The following GRIN2A variants were observed in gnomAD, a reference collection of about 807,000 sequenced individuals.
GRIN2A encodes the protein glutamate receptor ionotropic, NMDA 2A.
Under a neutral mutation model 113.4 loss-of-function variants are expected in GRIN2A, and 22 were observed. The ratio of observed to expected loss-of-function variants is 0.19; its 90% CI spans 0.14 to 0.28. The LOEUF is 0.28. Ranked by LOEUF, GRIN2A falls within the 10% of genes least tolerant of loss-of-function variation. The pLI is 1.00. For missense variants in GRIN2A, 1,502 were observed against 1,887.0 expected (o/e 0.80, Z 3.78); for synonymous variants, 827 against 738.4 (o/e 1.12, Z -1.94).
intron 2 of GRIN2A, among the ~76,000 whole-genome samples, chr16:10,067,219 A>AT (rs1263090958): frequency 2.0e-5 from 3 of 151,462 alleles, no homozygotes; most frequent in African/African-American, 7.3e-5. Context: ...TTTTTCCCTC[A>AT]TTTTTTTCTG....
At chr16:10,170,012 TACTC>T (rs1283807051) in intron 2 of GRIN2A, among the ~76,000 whole-genome samples, 1 of 152,162 alleles carries the variant, frequency 6.6e-6, no homozygotes, top group Admixed American at 6.5e-5. Flanking sequence ...TGATCTCAAA[TACTC>T]ACAGAAACCA....
intron 2 of GRIN2A, among the ~76,000 whole-genome samples, chr16:10,162,361 C>A (rs905326276): frequency 2.0e-5 from 3 of 152,214 alleles, no homozygotes; most frequent in African/African-American, 7.2e-5. Context: ...TAAGCTCTAA[C>A]TACCTCCCAA....
chr16:9,950,570 T>C (rs1441211262), intron 2 of GRIN2A, among the ~76,000 whole-genome samples: 4 of 152,174 alleles, frequency 2.6e-5, no homozygotes, highest in Admixed American at 1.3e-4. Context: ...ACAACTTGAA[T>C]AGGCTACAAT....
intron 5 of GRIN2A, among the ~76,000 whole-genome samples, chr16:9,845,042 A>C (rs896137408): frequency 1.3e-5 from 2 of 152,146 alleles, no homozygotes; most frequent in African/African-American, 4.8e-5. Context: ...CCTATAGGAA[A>C]TGCAATTGAT....
At chr16:9,831,361 T>G (rs1474911516) in intron 8 of GRIN2A, among the ~76,000 whole-genome samples, 1 of 152,136 alleles carries the variant, frequency 6.6e-6, no homozygotes, top group East Asian at 1.9e-4. Context: ...CAGTCCTTTC[T>G]CTTGGAAAAG....
intron 2 of GRIN2A, among the ~76,000 whole-genome samples, chr16:9,980,648 T>C (rs569728800): frequency 3.9e-5 from 6 of 152,234 alleles, no homozygotes; most frequent in African/African-American, 1.4e-4. Flanking sequence ...CATGGAATAC[T>C]ATGCAGCCAT....
At chr16:9,812,699 T>TA (rs1349475687) in intron 10 of GRIN2A, among the ~76,000 whole-genome samples, 1 of 151,802 alleles carries the variant, frequency 6.6e-6, no homozygotes, top group Admixed American at 6.6e-5. Context: ...AAACACACAA[T>TA]AAAAAAATTT....
chr16:10,036,679 C>T lies in GRIN2A; in HGVS notation c.415-98128G>A, dbSNP rs555391889. On this transcript the variant is annotated intron_variant, in intron 2 of 12. Transcript: ENST00000330684. ...GCCAGGATGGTCTCCATCTCCTGAC[C>T]TCGTGATCCGCCCACCTCGGCCTCC... 1.5e-3 allele frequency among the ~76,000 whole-genome samples: 230 copies of T among 151,734 alleles called. 3 individuals are homozygous for T. The highest frequency in any genetic ancestry group is 5.3e-3 in the African/African-American group (220 of 41,372).
chr16:9,969,741 G>T (rs1163088719), intron 2 of GRIN2A, among the ~76,000 whole-genome samples: 3 of 152,214 alleles, frequency 2.0e-5, no homozygotes, highest in African/African-American at 7.2e-5. Context: ...CTAGGAGGCA[G>T]GGTATGACTG....
chr16:10,102,854 T>A (rs531533355), intron 2 of GRIN2A, among the ~76,000 whole-genome samples: 1 of 152,306 alleles, frequency 6.6e-6, no homozygotes, highest in African/African-American at 2.4e-5. Context: ...AGACTACATT[T>A]ATCCTCCCTT....
intron 2 of GRIN2A, among the ~76,000 whole-genome samples, chr16:10,139,862 C>G (rs1298206107): frequency 6.6e-6 from 1 of 152,120 alleles, no homozygotes; most frequent in Non-Finnish European, 1.5e-5. Flanking sequence ...GAGTCTCACT[C>G]TATCCCCCAG....
chr16:10,022,963 A>G (rs2046752839), intron 2 of GRIN2A, among the ~76,000 whole-genome samples: 1 of 152,204 alleles, frequency 6.6e-6, no homozygotes, highest in African/African-American at 2.4e-5. Flanking sequence ...TACCAGGGAT[A>G]AACTGCTCAG....
intron 2 of GRIN2A, among the ~76,000 whole-genome samples, chr16:10,177,723 A>G (rs1350060948): frequency 6.6e-6 from 1 of 152,196 alleles, no homozygotes; most frequent in Non-Finnish European, 1.5e-5. Context: ...TGGACTTCTC[A>G]AAACTTTCTT....
intron 2 of GRIN2A, among the ~76,000 whole-genome samples, chr16:10,156,517 T>C (rs917772091): frequency 1.3e-5 from 2 of 152,162 alleles, no homozygotes; most frequent in Non-Finnish European, 2.9e-5. Context: ...AACCCACGTA[T>C]ACTGGGCACT....
chr16:9,804,273 A>G (rs1596439824), intron 10 of GRIN2A, among the ~76,000 whole-genome samples: 1 of 152,238 alleles, frequency 6.6e-6, no homozygotes, highest in African/African-American at 2.4e-5. Context: ...TTGAGCTGCG[A>G]CTGCTGGACT....
chr16:10,108,011 C>T (rs1405006205), intron 2 of GRIN2A, among the ~76,000 whole-genome samples: 1 of 152,220 alleles, frequency 6.6e-6, no homozygotes, highest in African/African-American at 2.4e-5. Flanking sequence ...AGATCCTACT[C>T]ATGTATGTCT....
Position 9,882,459 on chromosome 16 carries a change from G to A in GRIN2A, c.1122+8527C>T, listed in dbSNP as rs562899670. Among the ~76,000 whole-genome samples, 204 of 152,200 alleles carry A rather than the reference G, an allele frequency of 1.3e-3. 1 individual carries two copies. The highest frequency in any genetic ancestry group is 3.9e-3 in the African/African-American group (162 of 41,532). On this transcript the variant is annotated intron_variant, in intron 4 of 12. Coordinates refer to ENST00000330684, the MANE Select transcript of GRIN2A (RefSeq NM_001134407.3). ...TATGGGGTGCATCCCCTCCCTTAAT[G>A]AGACAAATTGGAAGATGAAACTACT...
intron 2 of GRIN2A, among the ~76,000 whole-genome samples, chr16:10,057,878 T>C (rs2047481783): frequency 6.6e-6 from 1 of 152,226 alleles, no homozygotes; most frequent in African/African-American, 2.4e-5. Flanking sequence ...TAAGAGATCT[T>C]GACTTTTATG....
At chr16:10,035,074 G>A (rs1004405776) in intron 2 of GRIN2A, among the ~76,000 whole-genome samples, 3 of 142,346 alleles carry the variant, frequency 2.1e-5, no homozygotes, top group Non-Finnish European at 3.0e-5. Context: ...CACCCAGGCT[G>A]GAGTGCAGTG....
Sources: allele counts gnomAD v4.1 joint callset (sites outside exome capture counted in the v4.1 genomes callset), GRCh38; gene constraint gnomAD v4.1.1; transcripts MANE v1.5; gene names NCBI Gene and HGNC (gene_info 2026-07-23, HGNC 2026-07-21).